The following PLPP3 variants were observed in gnomAD, a reference collection of about 807,000 sequenced individuals.
PLPP3 encodes the protein phospholipid phosphatase 3, also known as PAP2 beta.
A neutral mutation model predicts 29.6 loss-of-function variants in PLPP3; 6 were observed. The ratio of observed to expected loss-of-function variants is 0.20; its 90% CI spans 0.11 to 0.40. The LOEUF (loss-of-function observed/expected upper bound fraction) is 0.40, where lower values mean the gene tolerates loss of function less well. Ranked by LOEUF, PLPP3 falls within the 10% of genes least tolerant of loss-of-function variation. The pLI, the probability that PLPP3 is intolerant of heterozygous loss-of-function variation, is 1.00. For missense variants in PLPP3, 308 were observed against 407.7 expected, an observed-to-expected ratio of 0.76 and a Z score of 2.11; for synonymous variants, 152 against 159.7, an observed-to-expected ratio of 0.95 and a Z score of 0.36.
chr1:56,572,047 T>TTG (rs1185882591), intron 1 of PLPP3, among the ~76,000 whole-genome samples: 2 of 128,934 alleles, frequency 1.6e-5, no homozygotes, highest in Non-Finnish European at 3.4e-5. Context: ...TTTCTGGTTT[T>TTG]TTTTTTTTTT....
rs931887170 is a variant in PLPP3 at position 56,568,349 on chromosome 1, A to C, written c.139+10529T>G. Among the ~76,000 whole-genome samples the C allele has an allele frequency of 1.1e-4, 16 of 152,354 alleles. No homozygotes were observed. The East Asian group carries it at 3.1e-3, about 29-fold the overall frequency. On this transcript the variant is annotated intron_variant, in intron 1 of 5. Transcript: ENST00000371250. The stretch of plus-strand genomic sequence containing the variant: ...ATATCTCAATAAAGCTCTTTGAATA[A>C]AATACCATTGCAACCCAGGAAAAAC...
intron 5 of PLPP3, among the ~76,000 whole-genome samples, chr1:56,500,669 G>A (rs1423209065): frequency 6.6e-6 from 1 of 152,130 alleles, no homozygotes; most frequent in Non-Finnish European, 1.5e-5. Flanking sequence ...TCATTGTCAA[G>A]GTGAAAGCAG....
rs1645837596 is a variant in PLPP3, at chr1:56,524,207, A to G, written c.575+70T>C. ...CACCCATCTAAACCAGGGCCCAGCT[A>G]GTAAGTGCTCACTGAACTGCACTGT... On this transcript the variant is annotated intron_variant, in intron 3 of 5. Transcript: ENST00000371250. The surrounding 1 kb of genome is among the most constrained non-coding windows in gnomAD (Gnocchi z 4.3). The G allele has an allele frequency of 6.4e-7, 1 of 1,559,738 alleles. No individual in the cohort carries two copies. The highest frequency in any genetic ancestry group is 1.4e-5 in the African/African-American group (1 of 73,436).
At chr1:56,532,460 T>C (rs1415472954) in intron 2 of PLPP3, among the ~76,000 whole-genome samples, 3 of 151,834 alleles carry the variant, frequency 2.0e-5, no homozygotes, top group African/African-American at 4.8e-5. Flanking sequence ...AGGGCTCTTG[T>C]AGATAAAGGG....
chr1:56,554,360 T>C (rs943296861), intron 1 of PLPP3, among the ~76,000 whole-genome samples: 2 of 151,810 alleles, frequency 1.3e-5, no homozygotes, highest in Admixed American at 6.6e-5. Flanking sequence ...ATTATGAGGT[T>C]AGGAGATAGA....
intron 4 of PLPP3, among the ~76,000 whole-genome samples, chr1:56,518,800 T>C (rs1187375280): frequency 4.6e-5 from 7 of 151,246 alleles, no homozygotes; most frequent in African/African-American, 1.7e-4. Context: ...TTCTCCTGCC[T>C]TGGCCTCCCA....
intron 1 of PLPP3, among the ~76,000 whole-genome samples, chr1:56,549,071 C>T (rs1452401474): frequency 6.6e-6 from 1 of 152,142 alleles, no homozygotes; most frequent in African/African-American, 2.4e-5. Context: ...AAGATGCTTG[C>T]TAAAAAGGAA....
At position 56,538,304 on chromosome 1, in the gene PLPP3, C is replaced by T. The variant is rs1199002561; in HGVS notation, c.140-1192G>A. On this transcript the variant is annotated intron_variant, in intron 1 of 5. Transcript: ENST00000371250. The stretch of plus-strand genomic sequence containing the variant: ...CTCTTAGACCAAAATACCTCTTCCT[C>T]CCCAACTACCCAACTGCAATACCAA... 6 of 222,316 alleles carry T rather than the reference C, an allele frequency of 2.7e-5. No homozygotes were observed. The East Asian group carries it at 6.6e-4, about 24-fold the overall frequency. The allele number at this position is 222,316 out of a possible 1,614,324, so 13.8% of individuals were successfully genotyped here.
chr1:56,537,188 G>A (rs546276456), intron 1 of PLPP3, 76 bp from the exon 2 acceptor site: 5 of 1,458,936 alleles, frequency 3.4e-6, no homozygotes, highest in Middle Eastern at 4.8e-4. Context: ...GTGCCAAAGA[G>A]GAACTTCAAG....
rs145276057 is a variant in PLPP3, at chr1:56,511,862, C to T, written c.810+114G>A. Reference sequence around the variant, plus strand: ...GCCTAAGGCCAGGTGACTCTTCAGACACCAAGCAGAGGACAGGAACGAGGG... The same window carrying T: ...GCCTAAGGCCAGGTGACTCTTCAGATACCAAGCAGAGGACAGGAACGAGGG... On this transcript the variant is annotated intron_variant, in intron 5 of 5. Coordinates refer to ENST00000371250, the MANE Select transcript of PLPP3 (RefSeq NM_003713.5). 1.0e-3 allele frequency: 1,348 copies of T among 1,314,580 alleles called. 13 individuals carry two copies. In the African/African-American group the frequency reaches 0.017, roughly 17 times the overall value. The allele number at this position is 1,314,580 out of a possible 1,614,324, so 81.4% of individuals were successfully genotyped here.
At chr1:56,521,524 G>T (rs1455667576) in intron 4 of PLPP3, among the ~76,000 whole-genome samples, 1 of 152,070 alleles carries the variant, frequency 6.6e-6, no homozygotes, top group Non-Finnish European at 1.5e-5. Context: ...GGAGGTGGGG[G>T]ATATAATAAC....
At chr1:56,552,384 A>G (rs1646046013) in intron 1 of PLPP3, among the ~76,000 whole-genome samples, 1 of 152,176 alleles carries the variant, frequency 6.6e-6, no homozygotes, top group African/African-American at 2.4e-5. Flanking sequence ...GAGAATCACT[A>G]CTCTAAAACT....
intron 1 of PLPP3, among the ~76,000 whole-genome samples, chr1:56,571,890 C>A (rs1646200829): frequency 6.6e-6 from 1 of 152,080 alleles, no homozygotes; most frequent in Admixed American, 6.5e-5. Flanking sequence ...CATCTCTGAG[C>A]TACAGTTCCC....
intron 2 of PLPP3, among the ~76,000 whole-genome samples, chr1:56,530,060 G>C (rs1234483515): frequency 4.6e-5 from 7 of 151,440 alleles, no homozygotes; most frequent in Non-Finnish European, 1.0e-4. Context: ...GTCCATGCAA[G>C]AATCTCCTGG....
In PLPP3 at chr1:56,558,329, T is replaced by C. The variant is rs540675371; in HGVS notation, c.139+20549A>G. Reference sequence around the variant, plus strand: ...ATGCATTAAAGACAAATTTCCAGCATCTTCCTTTCCAACTGGAAAACACAT... The same window carrying C: ...ATGCATTAAAGACAAATTTCCAGCACCTTCCTTTCCAACTGGAAAACACAT... On this transcript the variant is annotated intron_variant, in intron 1 of 5. Transcript: ENST00000371250. 3.3e-5 allele frequency among the ~76,000 whole-genome samples: 5 copies of C among 152,208 alleles called. 1 individual carries two copies. Among genetic ancestry groups the C allele is most frequent in the Non-Finnish European group, 7.3e-5 (5 of 68,040 alleles).
chr1:56,545,900 G>A (rs1448682223), intron 1 of PLPP3, among the ~76,000 whole-genome samples: 2 of 152,052 alleles, frequency 1.3e-5, no homozygotes, highest in Non-Finnish European at 2.9e-5. Context: ...GCGAAGAGGT[G>A]AGCATTATGG....
intron 5 of PLPP3, among the ~76,000 whole-genome samples, chr1:56,497,240 G>A (rs1451808349): frequency 1.3e-5 from 2 of 152,188 alleles, no homozygotes; most frequent in Admixed American, 6.5e-5. Flanking sequence ...GCAACTAAAC[G>A]TGGAGGAACG....
chr1:56,560,329 T>C (rs1240080288), intron 1 of PLPP3, among the ~76,000 whole-genome samples: 4 of 152,222 alleles, frequency 2.6e-5, no homozygotes, highest in African/African-American at 4.8e-5. Context: ...AATTGATAGA[T>C]ACTATTATTA....
intron 2 of PLPP3, among the ~76,000 whole-genome samples, chr1:56,536,234 A>G (rs1303541566): frequency 6.6e-6 from 1 of 152,112 alleles, no homozygotes; most frequent in Non-Finnish European, 1.5e-5. Context: ...CACAACAAAC[A>G]CCTTTTTCAG....
Sources: allele counts gnomAD v4.1 joint callset (sites outside exome capture counted in the v4.1 genomes callset), GRCh38; gene constraint gnomAD v4.1.1; non-coding constraint Gnocchi (gnomAD v3.1); transcripts MANE v1.5; gene names NCBI Gene and HGNC (gene_info 2026-07-23, HGNC 2026-07-21).